The following CCDC149 variants were observed in gnomAD, a reference collection of about 807,000 sequenced individuals.
The protein encoded by CCDC149 is coiled-coil domain containing 149.
A neutral mutation model predicts 59.9 loss-of-function variants in CCDC149; 45 were observed. That is an observed-to-expected ratio of 0.75 (90% CI 0.59 to 0.96). CCDC149 has a LOEUF of 0.96. CCDC149 is among the 40% of genes least tolerant of loss of function. CCDC149 has a pLI of 0.00. For missense variants in CCDC149, 584 were observed against 664.7 expected (o/e 0.88, Z 1.33); for synonymous variants, 245 against 260.6 (o/e 0.94, Z 0.58).
intron 1 of CCDC149, among the ~76,000 whole-genome samples, chr4:24,877,678 C>A (rs1240746893): frequency 6.6e-6 from 1 of 152,186 alleles, no homozygotes; most frequent in Non-Finnish European, 1.5e-5. Context: ...CATCCAGAGA[C>A]CAATCTTAGG....
rs376324399 is a variant in CCDC149 at position 24,929,895 on chromosome 4, C to G, written c.-64-34777G>C. ...CTCTCTGACTCTCTGCCTCTCCCCC[C>G]ATCAACCAACAAGCATGCACTTTGA... On this transcript the variant is annotated intron_variant, in intron 1 of 12. Transcript: ENST00000389609. Among the ~76,000 whole-genome samples, 3 of 152,320 alleles carry G rather than the reference C, an allele frequency of 2.0e-5. No homozygotes were observed. The South Asian group carries it at 6.2e-4, about 32-fold the overall frequency.
intron 1 of CCDC149, among the ~76,000 whole-genome samples, chr4:24,951,185 C>T (rs1283195142): frequency 2.0e-5 from 3 of 152,210 alleles, no homozygotes; most frequent in Non-Finnish European, 4.4e-5. Flanking sequence ...CCATGCATGC[C>T]TCCTCATTTA....
At chr4:24,814,754 C>T (rs992365596) in intron 12 of CCDC149, among the ~76,000 whole-genome samples, 4 of 152,214 alleles carry the variant, frequency 2.6e-5, no homozygotes, top group African/African-American at 7.2e-5. Context: ...AAGCTCATAA[C>T]CTGGCATTCA....
intron 1 of CCDC149, among the ~76,000 whole-genome samples, chr4:24,945,262 G>A (rs769333163): frequency 1.1e-4 from 17 of 152,178 alleles, no homozygotes; most frequent in Non-Finnish European, 2.2e-4. Context: ...TTTGGAAACA[G>A]AGGTTTTGCA....
At chr4:24,978,162 T>C (rs1724288836) in intron 1 of CCDC149, among the ~76,000 whole-genome samples, 1 of 152,164 alleles carries the variant, frequency 6.6e-6, no homozygotes, top group Non-Finnish European at 1.5e-5. Context: ...TAAATAAATC[T>C]GTGCTGTCCA....
chr4:24,821,051 A>G lies in CCDC149; in HGVS notation c.1075+4T>C, dbSNP rs1008049541. 5.7e-6 allele frequency: 7 copies of G among 1,230,656 alleles called. No individual in the cohort carries two copies. The highest frequency in any genetic ancestry group is 3.1e-4 in the Middle Eastern group (1 of 3,208). 76.2% of individuals were successfully genotyped at this position (1,230,656 alleles called of 1,614,324 possible). On this transcript the variant is annotated splice_donor_region_variant and intron_variant, in intron 11 of 12. Coordinates refer to ENST00000635206, the MANE Select transcript of CCDC149 (RefSeq NM_001330643.2). ...CAAAAACGGATATTTTAAACAGAACATACTCCCAAATCCTACTGAAACATT... is the reference window on the plus strand; with the variant it reads ...CAAAAACGGATATTTTAAACAGAACGTACTCCCAAATCCTACTGAAACATT...
Position 24,836,506 on chromosome 4 carries a change from TA to T in CCDC149, c.664del (p.Tyr222ThrfsTer6). 1 of 1,603,502 alleles carries T rather than the reference TA, an allele frequency of 6.2e-7. No individual in the cohort carries two copies. Among genetic ancestry groups the T allele is most frequent in the Non-Finnish European group, 8.5e-7 (1 of 1,171,044 alleles). ...GAGTTGCTTTAATCTCTCTTGAAGG[TA>T]CCTGAAAAAGAATACATAAAACTAG... On this transcript the variant is annotated frameshift_variant and splice_region_variant, in exon 7 of 13. Coordinates refer to ENST00000635206, the MANE Select transcript of CCDC149 (RefSeq NM_001330643.2). LOFTEE classifies it high-confidence loss of function.
At chr4:24,953,581 A>T (rs1723377296) in intron 1 of CCDC149, among the ~76,000 whole-genome samples, 1 of 152,200 alleles carries the variant, frequency 6.6e-6, no homozygotes, top group Non-Finnish European at 1.5e-5. Context: ...AAGCAAGATG[A>T]TCTGATTTCT....
Position 24,912,959 on chromosome 4 carries a change from G to A in CCDC149, c.-80C>T. ...CGCCGCCGCCGCCCGGGCCCCGCGC[G>A]GCCCCGAGAGGGCCCGGCGCCTCCG... On this transcript the variant is annotated 5_prime_UTR_variant, in exon 1 of 13. Transcript: ENST00000635206. 2.8e-6 allele frequency: 2 copies of A among 724,896 alleles called. No homozygotes were observed. Among genetic ancestry groups the A allele is most frequent in the South Asian group, 4.2e-5 (1 of 23,900 alleles). 44.9% of individuals were successfully genotyped at this position (724,896 alleles called of 1,614,324 possible). A position where few individuals can be genotyped will look rare whatever the true frequency, so the allele number is the denominator to read the frequency against.
In CCDC149 at chr4:24,834,800, C is replaced by T. The variant is rs538054131; in HGVS notation, c.820+148G>A. 32 of 517,122 alleles carry T rather than the reference C, an allele frequency of 6.2e-5. No homozygotes were observed. The South Asian group carries it at 1.1e-3, about 17-fold the overall frequency. 32.0% of individuals were successfully genotyped at this position (517,122 alleles called of 1,614,324 possible). A position where few individuals can be genotyped will look rare whatever the true frequency, so the allele number is the denominator to read the frequency against. On this transcript the variant is annotated intron_variant, in intron 8 of 12. Coordinates refer to ENST00000635206, the MANE Select transcript of CCDC149 (RefSeq NM_001330643.2). The stretch of plus-strand genomic sequence containing the variant: ...GTGTTTTAACAGGCCCTCCCGGCAA[C>T]TCTGATGCACGTGGAAGTCGGGGAG...
At chr4:24,975,378 G>A (rs867848987) in intron 1 of CCDC149, among the ~76,000 whole-genome samples, 35 of 137,794 alleles carry the variant, frequency 2.5e-4, no homozygotes, top group African/African-American at 8.5e-4. Context: ...GCAGAGAAGA[G>A]GAGGGGATCT....
chr4:24,835,912 A>T (rs1716485987), intron 7 of CCDC149, among the ~76,000 whole-genome samples: 1 of 152,178 alleles, frequency 6.6e-6, no homozygotes, highest in Non-Finnish European at 1.5e-5. Flanking sequence ...TTATCAAACT[A>T]ATGGTGCTGG....
intron 11 of CCDC149, 110 bp from the exon 12 acceptor site, chr4:24,820,085 T>C: frequency 4.1e-6 from 3 of 722,952 alleles, no homozygotes; most frequent in South Asian, 1.8e-5. Context: ...GACACTACCA[T>C]TGAAGGGAAG....
At chr4:24,831,724 T>C in intron 8 of CCDC149, 74 bp from the exon 9 acceptor site, 1 of 1,375,940 alleles carries the variant, frequency 7.3e-7, no homozygotes, top group Non-Finnish European at 1.0e-6. Flanking sequence ...ATGTCAATCC[T>C]TCTTGGATAA....
chr4:24,823,769 G>A (rs1238266569), intron 9 of CCDC149, among the ~76,000 whole-genome samples: 1 of 152,148 alleles, frequency 6.6e-6, no homozygotes, highest in African/African-American at 2.4e-5. Flanking sequence ...AGAAAACTCT[G>A]GAATTACTCT....
intron 12 of CCDC149, among the ~76,000 whole-genome samples, chr4:24,816,903 G>A (rs1715048012): frequency 6.6e-6 from 1 of 152,148 alleles, no homozygotes; most frequent in South Asian, 2.1e-4. Flanking sequence ...ATCTTCCTTT[G>A]TTAGTTGCTC....
chr4:24,942,524 A>G lies in CCDC149; in HGVS notation c.-65+37545T>C, dbSNP rs1011387956. Among the ~76,000 whole-genome samples, 6 of 152,326 alleles carry G rather than the reference A, an allele frequency of 3.9e-5. No individual in the cohort carries two copies. In the East Asian group the frequency reaches 1.2e-3, roughly 29 times the overall value. On this transcript the variant is annotated intron_variant, in intron 1 of 12. Transcript: ENST00000389609. The stretch of plus-strand genomic sequence containing the variant: ...CCCTCTCTCACCACTCCTATTCAAC[A>G]TAGTGTTGGAAGTTCTAACCAGAGC...
chr4:24,966,175 C>A (rs1310908837), intron 1 of CCDC149, among the ~76,000 whole-genome samples: 1 of 152,144 alleles, frequency 6.6e-6, no homozygotes, highest in African/African-American at 2.4e-5. Flanking sequence ...GGCAACGTGA[C>A]CACACCCTGG....
At chr4:24,861,919 A>C (rs79897931) in intron 3 of CCDC149, among the ~76,000 whole-genome samples, 2,217 of 152,274 alleles carry the variant, frequency 0.015, 50 homozygotes, top group African/African-American at 0.051. Context: ...GCTGAAGGCA[A>C]CTGAGAATCA....
Sources: gnomAD v4.1 joint callset for allele counts (sites outside exome capture counted in the v4.1 genomes callset) on GRCh38, gnomAD v4.1.1 for gene constraint, MANE v1.5 for transcripts, NCBI Gene and HGNC (gene_info 2026-07-23, HGNC 2026-07-21) for gene names.